The following HAO2 variants were observed in gnomAD, a reference collection of about 807,000 sequenced individuals.
HAO2 encodes 2-Hydroxyacid oxidase 2.
HAO2 carries 42 observed loss-of-function variants against 37.4 expected under a neutral mutation model. That is an observed-to-expected ratio of 1.12 (90% CI 0.88 to 1.45). The LOEUF is 1.45. Ranked by LOEUF, HAO2 falls within the 40% of genes most tolerant of loss-of-function variation. HAO2 has a pLI of 0.00. For synonymous variants in HAO2, 180 were observed against 162.8 expected (o/e 1.11, Z -0.81); for missense variants, 476 against 430.2 (o/e 1.11, Z -0.94).
intron 1 of HAO2, among the ~76,000 whole-genome samples, chr1:119,375,866 C>T (rs1163872733): frequency 1.3e-5 from 2 of 151,980 alleles, no homozygotes; most frequent in East Asian, 1.9e-4. Context: ...TGGTGAAACC[C>T]GCTCCCCCAT....
In HAO2 at chr1:119,382,909, G is replaced by A; in HGVS notation, c.132-6G>A. The A allele has an allele frequency of 6.2e-7, 1 of 1,612,604 alleles. No homozygotes were observed. The highest frequency in any genetic ancestry group is 8.5e-7 in the Non-Finnish European group (1 of 1,179,010). ...CAACAGAAGATCTCTTTGTTGTCCGGCACAGAATTCGCCTCCGTCCGCGGT... is the reference window on the plus strand; with the variant it reads ...CAACAGAAGATCTCTTTGTTGTCCGACACAGAATTCGCCTCCGTCCGCGGT... On this transcript the variant is annotated splice_region_variant and splice_polypyrimidine_tract_variant and intron_variant, in intron 2 of 7. Transcript: ENST00000325945.
In HAO2 at chr1:119,381,359, G is replaced by T. The variant is rs117942585; in HGVS notation, c.131+143G>T. 1,073 of 685,526 alleles carry T rather than the reference G, an allele frequency of 1.6e-3. 7 individuals carry two copies. The East Asian group carries it at 0.027, about 17-fold the overall frequency. The allele number at this position is 685,526 out of a possible 1,614,324, so 42.5% of individuals were successfully genotyped here. A position where few individuals can be genotyped will look rare whatever the true frequency, so the allele number is the denominator to read the frequency against. ...ATGTGGATGATTTTGTTGTTGTTTT[G>T]GTTTGTTAGGGCAGGGGAGGGAGGG... On this transcript the variant is annotated intron_variant, in intron 2 of 7. Transcript: ENST00000325945.
chr1:119,393,388 T>C (rs758448716), intron 7 of HAO2, among the ~76,000 whole-genome samples: 2 of 152,166 alleles, frequency 1.3e-5, no homozygotes, highest in African/African-American at 4.8e-5. Flanking sequence ...AGAAGGCAAT[T>C]GTCATGTGGA....
At chr1:119,374,664 G>A (rs906641069) in intron 1 of HAO2, among the ~76,000 whole-genome samples, 2 of 152,118 alleles carry the variant, frequency 1.3e-5, no homozygotes, top group Non-Finnish European at 2.9e-5. Context: ...CAATTTTCAC[G>A]CTGAGATTTC....
At chr1:119,375,172 A>G (rs116507561) in intron 1 of HAO2, among the ~76,000 whole-genome samples, 16 of 152,322 alleles carry the variant, frequency 1.1e-4, no homozygotes, top group Non-Finnish European at 2.2e-4. Context: ...ACAAAATAAA[A>G]TGGGAATACA....
chr1:119,386,268 T>C (rs1047947377), intron 4 of HAO2, among the ~76,000 whole-genome samples: 2 of 152,142 alleles, frequency 1.3e-5, no homozygotes, highest in African/African-American at 4.8e-5. Context: ...GGCTAGTATG[T>C]GGTGGCGCCA....
At chr1:119,369,600 C>A (rs1341940639) in intron 1 of HAO2, among the ~76,000 whole-genome samples, 1 of 152,198 alleles carries the variant, frequency 6.6e-6, no homozygotes, top group Non-Finnish European at 1.5e-5. Context: ...CTGCATTTTA[C>A]AAGATCCTTC....
chr1:119,393,472 T>C (rs587741007), intron 7 of HAO2, among the ~76,000 whole-genome samples: 7 of 152,264 alleles, frequency 4.6e-5, no homozygotes, highest in Non-Finnish European at 7.4e-5. Context: ...TCCCTGAGCC[T>C]TATCAGAACC....
In HAO2 at chr1:119,392,189, A is replaced by T. The variant is rs781250150; in HGVS notation, c.851A>T (p.Asn284Ile). The part of the protein sequence containing the change: ...VYLDGGVRTG[N>I]DVLKALALGA... The stretch of plus-strand genomic sequence containing the variant: ...CTGGATGGCGGGGTCCGAACTGGCA[A>T]TGATGTGCTGAAGGCTCTGGCCCTT... The change falls in exon 6 of 8, where the codon AAT becomes ATT. Residue 284 changes from asparagine to isoleucine, a missense_variant. Coordinates refer to ENST00000325945, the MANE Select transcript of HAO2 (RefSeq NM_016527.4). 1 of 1,613,334 alleles carries T rather than the reference A, an allele frequency of 6.2e-7. No homozygotes were observed. The highest frequency in any genetic ancestry group is 1.1e-5 in the South Asian group (1 of 91,022).
At position 119,381,097 on chromosome 1, in the gene HAO2, G is replaced by A; in HGVS notation, c.12G>A (p.Val4=). The A allele has an allele frequency of 1.2e-6, 2 of 1,613,502 alleles. No individual in the cohort carries two copies. Among genetic ancestry groups the A allele is most frequent in the Non-Finnish European group, 1.7e-6 (2 of 1,179,384 alleles). Residue 4 remains valine (V), a synonymous_variant, in exon 2 of 8, where the codon GTG becomes GTA. Coordinates refer to ENST00000325945, the MANE Select transcript of HAO2 (RefSeq NM_016527.4). MSL[V]CLTDFQAHAR... ...TGGAAGGTCCAGAAATGTCCTTGGT[G>A]TGTTTGACAGACTTTCAGGCCCATG...
intron 3 of HAO2, 101 bp downstream of exon 3, chr1:119,383,167 T>C (rs1650098159): frequency 5.2e-6 from 4 of 770,416 alleles, no homozygotes; most frequent in Non-Finnish European, 8.4e-6. Flanking sequence ...CTTAGGAACA[T>C]AATCTGGTTA....
intron 5 of HAO2, 113 bp downstream of exon 5, chr1:119,386,944 C>A: frequency 1.4e-6 from 1 of 707,710 alleles, no homozygotes; most frequent in Non-Finnish European, 2.6e-6. Flanking sequence ...CTCCTCTGTA[C>A]CACATGTGTT....
At chr1:119,390,208 A>G (rs587603054) in intron 5 of HAO2, among the ~76,000 whole-genome samples, 6 of 152,290 alleles carry the variant, frequency 3.9e-5, no homozygotes, top group East Asian at 1.9e-4. Flanking sequence ...GAGAGAATTC[A>G]TGTCCAAATA....
At chr1:119,390,298 C>T (rs1044174048) in intron 5 of HAO2, among the ~76,000 whole-genome samples, 1 of 152,196 alleles carries the variant, frequency 6.6e-6, no homozygotes, top group Non-Finnish European at 1.5e-5. Context: ...GTCACCCACG[C>T]TGGAGGGCAA....
chr1:119,385,667 G>T (rs1650323403), intron 4 of HAO2: 2 of 985,252 alleles, frequency 2.0e-6, no homozygotes, highest in Non-Finnish European at 2.4e-6. Flanking sequence ...CAATTAAATG[G>T]CAAGAAGTGC....
At chr1:119,393,624 A>G (rs776510463) in intron 7 of HAO2, among the ~76,000 whole-genome samples, 161 bp from the exon 8 acceptor site, 2 of 152,138 alleles carry the variant, frequency 1.3e-5, no homozygotes, top group African/African-American at 2.4e-5. Context: ...ATAATACCCA[A>G]TGCAAACAGA....
At chr1:119,380,551 G>A (rs1649836199) in intron 1 of HAO2, 1 of 636,800 alleles carries the variant, frequency 1.6e-6, no homozygotes, top group Non-Finnish European at 2.8e-6. Context: ...CCAGATAGTA[G>A]CATCAGTTCA....
At chr1:119,391,959 C>T (rs1650945139) in intron 5 of HAO2, 151 bp from the exon 6 acceptor site, 5 of 544,126 alleles carry the variant, frequency 9.2e-6, no homozygotes, top group Admixed American at 3.2e-5. Flanking sequence ...ACTGCCGCTG[C>T]AGTTGATCAG....
intron 5 of HAO2, among the ~76,000 whole-genome samples, chr1:119,391,537 T>C (rs1650899566): frequency 6.6e-6 from 1 of 152,242 alleles, no homozygotes. Flanking sequence ...TTTACCGTGT[T>C]GTACTTTAGT....
Sources: allele counts gnomAD v4.1 joint callset (sites outside exome capture counted in the v4.1 genomes callset), GRCh38; gene constraint gnomAD v4.1.1; transcripts MANE v1.5; gene names NCBI Gene and HGNC (gene_info 2026-07-23, HGNC 2026-07-21).